CSMD1: variants seen among roughly 807,000 people sequenced by gnomAD.
The protein encoded by CSMD1 is CUB and Sushi multiple domains 1.
CSMD1 carries 213 observed loss-of-function variants against 417.5 expected under a neutral mutation model. The observed-to-expected ratio is 0.51, with a 90% CI of 0.46 to 0.57. CSMD1 has a LOEUF of 0.57. CSMD1 is among the 20% of genes least tolerant of loss of function. The pLI is 0.00. For missense variants in CSMD1, 6,923 were observed against 4,529.7 expected (o/e 1.53, Z -15.17); for synonymous variants, 2,862 against 1,736.8 (o/e 1.65, Z -16.11).
At chr8:4,370,014 A>T (rs149465319) in intron 3 of CSMD1, among the ~76,000 whole-genome samples, 1 of 151,900 alleles carries the variant, frequency 6.6e-6, no homozygotes, top group African/African-American at 2.4e-5. Flanking sequence ...TCTTATGTAG[A>T]CTTAGTTGTA....
chr8:4,686,768 G>T (rs1196498520), intron 1 of CSMD1, among the ~76,000 whole-genome samples: 1 of 152,192 alleles, frequency 6.6e-6, no homozygotes, highest in Non-Finnish European at 1.5e-5. Context: ...CAGAAGAAAA[G>T]ATCCTTCTCC....
At chr8:3,500,366 G>T (rs1450439518) in intron 10 of CSMD1, among the ~76,000 whole-genome samples, 1 of 152,146 alleles carries the variant, frequency 6.6e-6, no homozygotes, top group Admixed American at 6.5e-5. Context: ...TCAAGCCACT[G>T]TGGCCAGTGA....
At position 3,753,967 on chromosome 8, in the gene CSMD1, G is replaced by A; in HGVS notation, c.894C>T (p.Ser298=). Residue 298 remains serine, a synonymous_variant, in exon 6 of 70, where the codon AGC becomes AGT. Transcript: ENST00000635120. The part of the protein sequence containing the change: ...NWLRLHFTSD[S]NHRRKGFNAQ... The stretch of plus-strand genomic sequence containing the variant: ...CGTTAAATCCTTTGCGTCGGTGGTT[G>A]CTGTCAGAGGTGAAATGGAGTCGTA... 6.2e-7 allele frequency: 1 copy of A among 1,612,368 alleles called. No individual in the cohort carries two copies. Among genetic ancestry groups the A allele is most frequent in the Non-Finnish European group, 8.5e-7 (1 of 1,179,000 alleles).
chr8:2,942,661 C>T, intron 68 of CSMD1, 57 bp from the exon 69 acceptor site: 1 of 1,339,966 alleles, frequency 7.5e-7, no homozygotes, highest in Non-Finnish European at 9.9e-7. Flanking sequence ...TAAACAAATA[C>T]ATATGATAAA....
intron 3 of CSMD1, among the ~76,000 whole-genome samples, chr8:4,126,817 TAGG>T (rs1456164584): frequency 6.6e-6 from 1 of 152,036 alleles, no homozygotes; most frequent in Non-Finnish European, 1.5e-5. Context: ...TAACCTGGGG[TAGG>T]AGATGTCCAG....
chr8:4,180,921 G>C (rs1214663464), intron 3 of CSMD1, among the ~76,000 whole-genome samples: 2 of 152,044 alleles, frequency 1.3e-5, no homozygotes, highest in Non-Finnish European at 2.9e-5. Flanking sequence ...AATTTTCAAG[G>C]TGCCAAAATT....
At chr8:3,746,428 G>C (rs13277250) in intron 6 of CSMD1, among the ~76,000 whole-genome samples, 25,919 of 152,134 alleles carry the variant, frequency 0.17, 2,257 homozygotes, top group Middle Eastern at 0.2. Flanking sequence ...TCAAAGTTTA[G>C]AGAAAGGAAG....
chr8:4,538,092 G>A (rs574855597), intron 2 of CSMD1, among the ~76,000 whole-genome samples: 91 of 151,952 alleles, frequency 6.0e-4, no homozygotes, highest in African/African-American at 2.1e-3. Context: ...TTCTTGCTAG[G>A]TATCAATAAA....
intron 10 of CSMD1, among the ~76,000 whole-genome samples, chr8:3,536,111 T>C (rs1023643720): frequency 1.3e-5 from 2 of 152,204 alleles, no homozygotes; most frequent in Non-Finnish European, 2.9e-5. Context: ...TTATCATTGT[T>C]TTTATGATAC....
intron 3 of CSMD1, among the ~76,000 whole-genome samples, chr8:4,099,813 C>A (rs1161605647): frequency 1.3e-5 from 2 of 152,126 alleles, no homozygotes; most frequent in African/African-American, 2.4e-5. Context: ...ACTTTAAATC[C>A]CTGATTGTAT....
intron 3 of CSMD1, among the ~76,000 whole-genome samples, chr8:4,245,076 A>G (rs967633337): frequency 1.3e-5 from 2 of 152,172 alleles, no homozygotes; most frequent in African/African-American, 4.8e-5. Context: ...TATTTTGCCA[A>G]CCTGTCTGGA....
chr8:4,041,250 C>A (rs926813186), intron 3 of CSMD1, among the ~76,000 whole-genome samples: 2 of 151,890 alleles, frequency 1.3e-5, no homozygotes, highest in Non-Finnish European at 2.9e-5. Context: ...ATCTCCTGAC[C>A]TCGTGATCCG....
At chr8:4,890,592 G>A (rs554306171) in intron 1 of CSMD1, among the ~76,000 whole-genome samples, 1 of 149,620 alleles carries the variant, frequency 6.7e-6, no homozygotes, top group Non-Finnish European at 1.5e-5. Flanking sequence ...ACAGGTGAGA[G>A]CGTGACTCTG....
At chr8:4,689,747 C>T (rs1483617214) in intron 1 of CSMD1, among the ~76,000 whole-genome samples, 2 of 152,100 alleles carry the variant, frequency 1.3e-5, no homozygotes, top group Non-Finnish European at 2.9e-5. Context: ...ATTTCTGTAC[C>T]TGATGACCTC....
chr8:3,142,423 T>C, intron 41 of CSMD1, 42 bp downstream of exon 41: 2 of 1,443,110 alleles, frequency 1.4e-6, no homozygotes, highest in Admixed American at 1.9e-5. Flanking sequence ...ATGTAAGAAG[T>C]GTATTTAGAT....
rs188236393 is a variant in CSMD1, at chr8:3,487,481, A to G, written c.1448+6142T>C. Among the ~76,000 whole-genome samples the G allele has an allele frequency of 1.1e-3, 173 of 152,314 alleles. 1 individual carries two copies. Among genetic ancestry groups the G allele is most frequent in the South Asian group, 0.01 (50 of 4,828 alleles). ...CTCCCCAAGTGTTGGGATTACAGGC[A>G]TGAGCCACCATGCCCGGCCTATCAG... On this transcript the variant is annotated intron_variant, in intron 11 of 69. Coordinates refer to ENST00000635120, the MANE Select transcript of CSMD1 (RefSeq NM_033225.6).
chr8:3,674,280 C>G (rs1799251737), intron 7 of CSMD1, among the ~76,000 whole-genome samples: 1 of 152,108 alleles, frequency 6.6e-6, no homozygotes, highest in Non-Finnish European at 1.5e-5. Flanking sequence ...TGCTTTATTG[C>G]AAATTAATAA....
intron 7 of CSMD1, among the ~76,000 whole-genome samples, chr8:3,640,758 T>C (rs1306439116): frequency 6.6e-6 from 1 of 152,128 alleles, no homozygotes; most frequent in Non-Finnish European, 1.5e-5. Context: ...GTACAGGAAG[T>C]GAGACATTCA....
chr8:3,922,143 T>G (rs1411216729), intron 5 of CSMD1, among the ~76,000 whole-genome samples: 1 of 152,114 alleles, frequency 6.6e-6, no homozygotes, highest in African/African-American at 2.4e-5. Flanking sequence ...CTTTCTTTCA[T>G]GTTTCCGTTT....
Sources: allele counts gnomAD v4.1 joint callset (sites outside exome capture counted in the v4.1 genomes callset), GRCh38; gene constraint gnomAD v4.1.1; transcripts MANE v1.5; gene names NCBI Gene and HGNC (gene_info 2026-07-23, HGNC 2026-07-21).